RND3: variants seen among roughly 807,000 people sequenced by gnomAD.
RND3 encodes rho-related GTP-binding protein RhoE.
A neutral mutation model predicts 26.5 loss-of-function variants in RND3; 8 were observed. The ratio of observed to expected loss-of-function variants is 0.30; its 90% CI spans 0.18 to 0.54. The LOEUF is 0.54. Ranked by LOEUF, RND3 falls within the 20% of genes least tolerant of loss-of-function variation. The probability of loss-of-function intolerance (pLI) is 0.94; values close to 1 mark genes in which losing one functional copy is unlikely to be tolerated. For synonymous variants in RND3, 113 were observed against 113.0 expected (o/e 1.00, Z 0.00); for missense variants, 207 against 302.8 (o/e 0.68, Z 2.35).
At chr2:150,478,409 A>AG (rs2105219851) in intron 3 of RND3, among the ~76,000 whole-genome samples, 1 of 152,034 alleles carries the variant, frequency 6.6e-6, no homozygotes, top group African/African-American at 2.4e-5. Flanking sequence ...GCCAAAAAAA[A>AG]AGGAAGAGGA....
At chr2:150,482,465 C>A (rs1175490028) in intron 3 of RND3, among the ~76,000 whole-genome samples, 1 of 152,156 alleles carries the variant, frequency 6.6e-6, no homozygotes, top group Non-Finnish European at 1.5e-5. Flanking sequence ...CATTGTTTGG[C>A]AGAAACTCAT....
chr2:150,471,804 C>T lies in RND3; in HGVS notation c.349-43G>A, dbSNP rs185474781. On this transcript the variant is annotated intron_variant, in intron 4 of 5. Coordinates refer to ENST00000263895, the MANE Select transcript of RND3 (RefSeq NM_005168.5). ...AAAAGATTAAAAATGAACAAAGTAACGGTATCCATATCATGAAAACCATTT... is the reference window on the plus strand; with the variant it reads ...AAAAGATTAAAAATGAACAAAGTAATGGTATCCATATCATGAAAACCATTT... The T allele has an allele frequency of 2.2e-5, 33 of 1,510,942 alleles. 1 individual carries two copies. The East Asian group carries it at 2.5e-4, about 11-fold the overall frequency. The allele number at this position is 1,510,942 out of a possible 1,614,324, so 93.6% of individuals were successfully genotyped here. A position where few individuals can be genotyped will look rare whatever the true frequency, so the allele number is the denominator to read the frequency against.
At position 150,486,553 on chromosome 2, in the gene RND3, C is replaced by A; in HGVS notation, c.238+141G>T. ...CTGCCGCCCCCACCCAGAAGGGATA[C>A]AATTTTCGCCCAACAGGGACCGTGG... is the stretch of plus-strand genomic sequence containing the variant. On this transcript the variant is annotated intron_variant, in intron 3 of 5. Transcript: ENST00000263895. The surrounding 1 kb of genome is among the most constrained non-coding windows in gnomAD (Gnocchi z 4.5). The A allele has an allele frequency of 1.4e-6, 1 of 733,388 alleles. No homozygotes were observed. The allele number at this position is 733,388 out of a possible 1,614,324, so 45.4% of individuals were successfully genotyped here. A position where few individuals can be genotyped will look rare whatever the true frequency, so the allele number is the denominator to read the frequency against.
At chr2:150,471,994 T>G (rs1357794535) in intron 4 of RND3, 2 of 448,680 alleles carry the variant, frequency 4.5e-6, no homozygotes, top group Non-Finnish European at 8.0e-6. Context: ...ATTCTCCCTC[T>G]CTGTGACTCA....
At position 150,469,682 on chromosome 2, in the gene RND3, T is replaced by G. The variant is rs1573951426; in HGVS notation, c.*305A>C. ...CCAAAAATGCAAGCACCATTCAGAG[T>G]GTGATTTTTCTTCTTGGAGGTACTC... On this transcript the variant is annotated 3_prime_UTR_variant, in exon 6 of 6. Transcript: ENST00000263895. 1 of 297,662 alleles carries G rather than the reference T, an allele frequency of 3.4e-6. No individual in the cohort carries two copies. Among genetic ancestry groups the G allele is most frequent in the Non-Finnish European group, 6.2e-6 (1 of 161,624 alleles). 18.4% of individuals were successfully genotyped at this position (297,662 alleles called of 1,614,324 possible).
In RND3 at chr2:150,487,461, G is replaced by GAAAAAAA; in HGVS notation, c.-38-7_-38-6insTTTTTTT. ...TCTTGGAACAGGAATTTTCTCTTAA[G>GAAAAAAA]AAGAAAAAAAAAAATATATATATAT... On this transcript the variant is annotated splice_region_variant and splice_polypyrimidine_tract_variant and intron_variant, in intron 1 of 5. Coordinates refer to ENST00000263895, the MANE Select transcript of RND3 (RefSeq NM_005168.5). The GAAAAAAA allele has an allele frequency of 5.0e-6, 3 of 596,480 alleles. No individual in the cohort carries two copies. The highest frequency in any genetic ancestry group is 6.7e-6 in the Non-Finnish European group (3 of 445,932). 36.9% of individuals were successfully genotyped at this position (596,480 alleles called of 1,614,324 possible). A position where few individuals can be genotyped will look rare whatever the true frequency, so the allele number is the denominator to read the frequency against.
chr2:150,474,181 C>T (rs1194030645), intron 4 of RND3, among the ~76,000 whole-genome samples: 1 of 152,192 alleles, frequency 6.6e-6, no homozygotes, highest in Non-Finnish European at 1.5e-5. Flanking sequence ...TGTGACCCAT[C>T]CTGTAATAGG....
chr2:150,473,154 A>G (rs707119), intron 4 of RND3, among the ~76,000 whole-genome samples: 1,551 of 152,162 alleles, frequency 0.01, 27 homozygotes, highest in African/African-American at 0.036. Context: ...AAAAAAAAAA[A>G]AAAGAAATCC....
intron 4 of RND3, 54 bp downstream of exon 4, chr2:150,474,821 T>A (rs1686140479): frequency 6.8e-6 from 7 of 1,025,030 alleles, no homozygotes; most frequent in Non-Finnish European, 1.1e-5. Flanking sequence ...AACCCCACGT[T>A]TCTATTTATA....
intron 3 of RND3, among the ~76,000 whole-genome samples, chr2:150,485,942 C>A (rs1039103320): frequency 3.9e-5 from 6 of 152,008 alleles, no homozygotes; most frequent in African/African-American, 1.4e-4. Flanking sequence ...AATAGTGTTG[C>A]CCGCGGCCTT....
rs1433819833 is a variant in RND3, at chr2:150,486,594, G to C, written c.238+100C>G. ...GGGACCGTGGGAATCCCTTGGGAGG[G>C]GCGCAGACGGCTTGTAGCGCGCGGT... is the stretch of plus-strand genomic sequence containing the variant. On this transcript the variant is annotated intron_variant, in intron 3 of 5. Coordinates refer to ENST00000263895, the MANE Select transcript of RND3 (RefSeq NM_005168.5). This position sits in a 1 kb window ranked among gnomAD's most constrained non-coding sequence, Gnocchi z 4.5. The C allele has an allele frequency of 1.2e-6, 1 of 858,172 alleles. No individual in the cohort carries two copies. The highest frequency in any genetic ancestry group is 2.0e-6 in the Non-Finnish European group (1 of 493,202). The allele number at this position is 858,172 out of a possible 1,614,324, so 53.2% of individuals were successfully genotyped here.
Position 150,487,279 on chromosome 2 carries a change from A to C in RND3, c.139T>G (p.Cys47Gly). 6.3e-7 allele frequency: 1 copy of C among 1,594,868 alleles called. No individual in the cohort carries two copies. Among genetic ancestry groups the C allele is most frequent in the Non-Finnish European group, 8.5e-7 (1 of 1,170,576 alleles). The change falls in exon 2 of 6, where the codon TGC becomes GGC. Residue 47 changes from cysteine (C) to glycine (G), a missense_variant. Physicochemically the swap from Cys to Gly is radical, Grantham distance 159. Coordinates refer to ENST00000263895, the MANE Select transcript of RND3 (RefSeq NM_005168.5). ...TALLHVFAKD[C>G]FPENYVPTVF... ...CCGGCCACACTCACCTCGGGGAAGC[A>C]GTCCTTGGCGAAGACATGGAGCAGC... is the stretch of plus-strand genomic sequence containing the variant.
chr2:150,473,770 T>A (rs957022651), intron 4 of RND3, among the ~76,000 whole-genome samples: 3 of 152,134 alleles, frequency 2.0e-5, no homozygotes, highest in Non-Finnish European at 4.4e-5. Context: ...TCAAATATAA[T>A]AGGGGAATGT....
Position 150,486,900 on chromosome 2 carries a change from C to T in RND3, c.151-119G>A, listed in dbSNP as rs1573958593. The T allele has an allele frequency of 2.5e-6, 2 of 790,378 alleles. No individual in the cohort carries two copies. Among genetic ancestry groups the T allele is most frequent in the Non-Finnish European group, 4.5e-6 (2 of 443,508 alleles). 49.0% of individuals were successfully genotyped at this position (790,378 alleles called of 1,614,324 possible). On this transcript the variant is annotated intron_variant, in intron 2 of 5. Transcript: ENST00000263895. The surrounding 1 kb of genome is among the most constrained non-coding windows in gnomAD (Gnocchi z 4.5). Reference sequence around the variant, plus strand: ...CTCCCCAGTTAAGAAAGAAAACCTTCACACATCAGACCACACACTAAGCAC... The same window carrying T: ...CTCCCCAGTTAAGAAAGAAAACCTTTACACATCAGACCACACACTAAGCAC...
At chr2:150,484,844 A>C (rs1347517406) in intron 3 of RND3, among the ~76,000 whole-genome samples, 1 of 152,214 alleles carries the variant, frequency 6.6e-6, no homozygotes, top group Non-Finnish European at 1.5e-5. Context: ...CGACTGGTTC[A>C]GACACACTGC....
At chr2:150,480,193 G>A (rs981512550) in intron 3 of RND3, among the ~76,000 whole-genome samples, 8 of 152,146 alleles carry the variant, frequency 5.3e-5, no homozygotes, top group Admixed American at 2.6e-4. Flanking sequence ...ATGGATTCAA[G>A]TTTTTGTTTC....
intron 4 of RND3, among the ~76,000 whole-genome samples, chr2:150,472,289 T>C (rs1686099459): frequency 6.6e-6 from 1 of 152,156 alleles, no homozygotes. Flanking sequence ...AGATAGTTAA[T>C]AAAACAGAAC....
At position 150,470,082 on chromosome 2, in the gene RND3, T is replaced by TAG; in HGVS notation, c.639_640insCT (p.Thr214LeufsTer31). ...CTAGGCATGTGTGAAATCCGCTTTG[T>TAG]GGCTCTCTGTGATTTGTTCCGCTTA... On this transcript the variant is annotated frameshift_variant, in exon 6 of 6. Coordinates refer to ENST00000263895, the MANE Select transcript of RND3 (RefSeq NM_005168.5). LOFTEE classifies it high-confidence loss of function. 6.2e-7 allele frequency: 1 copy of TAG among 1,614,122 alleles called. No homozygotes were observed. Among genetic ancestry groups the TAG allele is most frequent in the Non-Finnish European group, 8.5e-7 (1 of 1,179,968 alleles).
In RND3 at chr2:150,470,052, G is replaced by C; in HGVS notation, c.670C>G (p.Pro224Ala). ...TKRISHMPSR[P>A]ELSAVATDLR... is the part of the protein sequence containing the mutation. ...TCCGTAGCAACTGCCGAGAGTTCTG[G>C]TCTGCTAGGCATGTGTGAAATCCGC... is the stretch of plus-strand genomic sequence containing the variant. Residue 224 changes from proline to alanine, a missense_variant, in exon 6 of 6, where the codon CCA (proline) becomes GCA (alanine). Pro to Ala is a conservative substitution (Grantham distance 27). Coordinates refer to ENST00000263895, the MANE Select transcript of RND3 (RefSeq NM_005168.5). The C allele has an allele frequency of 3.1e-6, 5 of 1,613,986 alleles. No homozygotes were observed. The South Asian group carries it at 5.5e-5, about 18-fold the overall frequency.
Sources: allele counts gnomAD v4.1 joint callset (sites outside exome capture counted in the v4.1 genomes callset), GRCh38; gene constraint gnomAD v4.1.1; non-coding constraint Gnocchi (gnomAD v3.1); transcripts MANE v1.5; gene names NCBI Gene and HGNC (gene_info 2026-07-23, HGNC 2026-07-21).